The following DNAH8 variants were observed in gnomAD, a reference collection of about 807,000 sequenced individuals.
DNAH8 encodes the protein axonemal beta dynein heavy chain 8.
Under a neutral mutation model 562.1 loss-of-function variants are expected in DNAH8, and 382 were observed. The ratio of observed to expected loss-of-function variants is 0.68; its 90% confidence interval spans 0.63 to 0.74. The LOEUF (loss-of-function observed/expected upper bound fraction) is 0.74. Ranked by LOEUF, DNAH8 falls within the 30% of genes least tolerant of loss-of-function variation. DNAH8 has a pLI of 0.00. For missense variants in DNAH8, 5,203 were observed against 5,620.4 expected, an observed-to-expected ratio of 0.93 and a Z score of 2.37; for synonymous variants, 1,881 against 1,919.4, an observed-to-expected ratio of 0.98 and a Z score of 0.52.
intron 60 of DNAH8, 88 bp downstream of exon 60, chr6:38,896,313 G>C: frequency 8.9e-7 from 1 of 1,119,552 alleles, no homozygotes; most frequent in Admixed American, 2.3e-5. Context: ...CCATGGAGTT[G>C]CTATAATTCC....
At chr6:38,778,985 G>A (rs971014154) in intron 14 of DNAH8, among the ~76,000 whole-genome samples, 1 of 152,190 alleles carries the variant, frequency 6.6e-6, no homozygotes, top group Non-Finnish European at 1.5e-5. Flanking sequence ...TCATCTCACC[G>A]AGTTATCTGT....
intron 32 of DNAH8, 46 bp from the exon 33 acceptor site, chr6:38,837,896 A>T: frequency 7.9e-7 from 1 of 1,266,428 alleles, no homozygotes; most frequent in Non-Finnish European, 1.1e-6. Context: ...CTTTAATTCT[A>T]CTGAATTAAT....
At chr6:38,956,650 C>T (rs193290114) in intron 82 of DNAH8, among the ~76,000 whole-genome samples, 1 of 152,334 alleles carries the variant, frequency 6.6e-6, no homozygotes, top group East Asian at 1.9e-4. Context: ...AACTGTCTCA[C>T]ACAGTTCAGG....
intron 38 of DNAH8, among the ~76,000 whole-genome samples, chr6:38,850,708 G>A (rs956688629): frequency 3.9e-5 from 6 of 152,196 alleles, no homozygotes; most frequent in Admixed American, 3.9e-4. Context: ...AAATCAAGGT[G>A]TTGGCTCCCT....
chr6:38,951,432 T>A lies in DNAH8; in HGVS notation c.12363T>A (p.Ser4121Arg). Residue 4121 changes from serine (S) to arginine (R), a missense_variant, in exon 82 of 93, where the codon AGT becomes AGA. Physicochemically the swap from Ser to Arg is moderately radical, Grantham distance 110 (BLOSUM62 -1). Transcript: ENST00000327475. ...ILNLEKTWEE[S>R]DTRTPLICFL... ...ATCTGGAGAAAACTTGGGAAGAAAG[T>A]GATACCCGGACACCTCTGATATGCT... The A allele has an allele frequency of 6.2e-7, 1 of 1,614,154 alleles. No individual in the cohort carries two copies.
At chr6:38,790,452 A>G (rs1769623449) in intron 20 of DNAH8, 47 bp downstream of exon 20, 2 of 892,762 alleles carry the variant, frequency 2.2e-6, no homozygotes, top group East Asian at 5.1e-5. Flanking sequence ...TACTCAGGAT[A>G]TAAGTAATAG....
chr6:38,989,188 T>C (rs9349104), intron 87 of DNAH8, among the ~76,000 whole-genome samples: 60,811 of 152,042 alleles, frequency 0.4, 12,570 homozygotes, highest in Non-Finnish European at 0.45. Context: ...CCCTCTTTCC[T>C]GTCAAGTGCT....
rs779961428 is a variant in DNAH8 at position 38,789,882 on chromosome 6, A to C, written c.2663A>C (p.Lys888Thr). The change falls in exon 19 of 93, where the codon AAG becomes ACG. Residue 888 changes from lysine to threonine, a missense_variant and splice_region_variant. By Grantham distance (78) the Lys-to-Thr change is moderately conservative. Transcript: ENST00000327475. ...FVNLMTPKMK[K>T]VESVLRQGLT... ...AATCTGATGACCCCAAAAATGAAAA[A>C]GGTTGGTATTGCTGAAGGTTTGTAT... 2 of 1,606,794 alleles carry C rather than the reference A, an allele frequency of 1.2e-6. No homozygotes were observed. The highest frequency in any genetic ancestry group is 1.7e-6 in the Non-Finnish European group (2 of 1,174,060).
At chr6:38,790,439 A>C (rs751157278) in intron 20 of DNAH8, 34 bp downstream of exon 20, 2 of 1,024,314 alleles carry the variant, frequency 2.0e-6, no homozygotes, top group Non-Finnish European at 3.0e-6. Flanking sequence ...CTATCAACAT[A>C]TATACTCAGG....
intron 10 of DNAH8, among the ~76,000 whole-genome samples, chr6:38,756,311 C>T (rs1765901892): frequency 6.6e-6 from 1 of 151,988 alleles, no homozygotes. Context: ...GAAAATGTGC[C>T]TGGTGGTTTT....
intron 24 of DNAH8, among the ~76,000 whole-genome samples, chr6:38,808,973 A>G (rs1583061619): frequency 1.3e-5 from 2 of 152,228 alleles, no homozygotes; most frequent in Non-Finnish European, 2.9e-5. Flanking sequence ...ATAGCATTAG[A>G]AGAAATACCT....
chr6:38,944,409 C>T (rs1394181785), intron 79 of DNAH8, among the ~76,000 whole-genome samples: 4 of 152,168 alleles, frequency 2.6e-5, no homozygotes, highest in Admixed American at 2.6e-4. Context: ...GAGCAAAGAC[C>T]TGTAGTTCCC....
chr6:38,955,271 G>T (rs1015791162), intron 82 of DNAH8, among the ~76,000 whole-genome samples: 2 of 151,992 alleles, frequency 1.3e-5, no homozygotes, highest in African/African-American at 4.8e-5. Context: ...ACTTCATCTG[G>T]CCCATTTTCC....
intron 1 of DNAH8, among the ~76,000 whole-genome samples, chr6:38,720,814 A>G (rs1425243483): frequency 6.6e-6 from 1 of 151,632 alleles, no homozygotes; most frequent in African/African-American, 2.4e-5. Flanking sequence ...TCAAAATAGC[A>G]CTGAGGAAGC....
chr6:38,985,595 A>G (rs1764328416), intron 87 of DNAH8, among the ~76,000 whole-genome samples: 1 of 152,210 alleles, frequency 6.6e-6, no homozygotes, highest in African/African-American at 2.4e-5. Flanking sequence ...GGTCAAATGG[A>G]CACAGACCTC....
intron 6 of DNAH8, among the ~76,000 whole-genome samples, 177 bp downstream of exon 6, chr6:38,737,433 A>G (rs1055990491): frequency 2.6e-5 from 4 of 152,070 alleles, no homozygotes; most frequent in African/African-American, 9.7e-5. Context: ...GTGGAGTAAG[A>G]TATATTTTCT....
chr6:38,898,649 A>G (rs1180430127), intron 61 of DNAH8, among the ~76,000 whole-genome samples: 1 of 152,198 alleles, frequency 6.6e-6, no homozygotes, highest in African/African-American at 2.4e-5. Flanking sequence ...ACAAGAAAGT[A>G]TGGAGAACCT....
intron 24 of DNAH8, among the ~76,000 whole-genome samples, chr6:38,810,060 C>G (rs1448793067): frequency 2.0e-5 from 3 of 152,130 alleles, no homozygotes; most frequent in African/African-American, 7.2e-5. Flanking sequence ...CCTTCAGTCT[C>G]ATTATTTCTG....
At chr6:38,840,521 T>C (rs1774687774) in intron 33 of DNAH8, among the ~76,000 whole-genome samples, 1 of 152,228 alleles carries the variant, frequency 6.6e-6, no homozygotes, top group Non-Finnish European at 1.5e-5. Flanking sequence ...AAGGCCCTTA[T>C]TTCTATTGAA....
Sources: gnomAD v4.1 joint callset for allele counts (sites outside exome capture counted in the v4.1 genomes callset) on GRCh38, gnomAD v4.1.1 for gene constraint, MANE v1.5 for transcripts, NCBI Gene and HGNC (gene_info 2026-07-23, HGNC 2026-07-21) for gene names.